Variants in STAT3 observed in about 807,000 individuals in gnomAD.
STAT3 encodes the protein DNA-binding protein APRF.
In STAT3, 7 loss-of-function variants were observed where a neutral mutation model predicts 114.3. The observed-to-expected ratio is 0.06, with a 90% CI of 0.03 to 0.11. The LOEUF is 0.11. Ranked by LOEUF, STAT3 falls within the 10% of genes least tolerant of loss-of-function variation. STAT3 has a pLI of 1.00. For missense variants in STAT3, 364 were observed against 960.9 expected (o/e 0.38, Z 8.21); for synonymous variants, 331 against 354.5 (o/e 0.93, Z 0.74).
Position 42,346,753 on chromosome 17 carries a change from G to T in STAT3, c.129-40C>A, listed in dbSNP as rs138364407. 8 of 1,613,568 alleles carry T rather than the reference G, an allele frequency of 5.0e-6. No homozygotes were observed. The South Asian group carries it at 7.7e-5, about 16-fold the overall frequency. On this transcript the variant is annotated intron_variant, in intron 2 of 23. Transcript: ENST00000264657. ...AATGATAAAGAATGGCTCTGAAGCC[G>T]ACGCATACACACAAACACAGAAATC...
At chr17:42,330,881 A>C (rs2081984041) in intron 11 of STAT3, among the ~76,000 whole-genome samples, 1 of 152,222 alleles carries the variant, frequency 6.6e-6, no homozygotes. Context: ...TGGAAAGAAT[A>C]TATAACGACG....
At chr17:42,371,296 T>C (rs747898116) in intron 1 of STAT3, among the ~76,000 whole-genome samples, 28 of 152,148 alleles carry the variant, frequency 1.8e-4, no homozygotes, top group Admixed American at 3.9e-4. Flanking sequence ...TGCAGCAGGA[T>C]GCAGGAGCTG....
chr17:42,329,529 G>A (rs1334812653), intron 13 of STAT3, 25 bp downstream of exon 13: 2 of 1,614,042 alleles, frequency 1.2e-6, no homozygotes, highest in African/African-American at 2.7e-5. Flanking sequence ...GAGGCCCTTT[G>A]TGAAGGGGAG....
In STAT3 at chr17:42,375,722, G is replaced by C. The variant is rs1016526812; in HGVS notation, c.-24+12557C>G. ...CACATGCCTGTAATCCCAGCTACTC[G>C]GGAGGCTTAGGCAAGAGAATCACTT... On this transcript the variant is annotated intron_variant, in intron 1 of 23. Transcript: ENST00000264657. Among the ~76,000 whole-genome samples, 5 of 151,998 alleles carry C rather than the reference G, an allele frequency of 3.3e-5. No individual in the cohort carries two copies. In the East Asian group the frequency reaches 9.7e-4, roughly 29 times the overall value.
intron 14 of STAT3, among the ~76,000 whole-genome samples, chr17:42,327,466 G>A (rs539794638): frequency 6.6e-6 from 1 of 152,218 alleles, no homozygotes; most frequent in East Asian, 1.9e-4. Flanking sequence ...CACAGCTGCG[G>A]AGTATTCCAT....
intron 1 of STAT3, among the ~76,000 whole-genome samples, chr17:42,352,402 G>C: frequency 6.6e-6 from 1 of 152,102 alleles, no homozygotes; most frequent in Non-Finnish European, 1.5e-5. Flanking sequence ...GACAAATGCT[G>C]CCTGGGCAGT....
intron 4 of STAT3, among the ~76,000 whole-genome samples, chr17:42,341,777 TCCCTGCCACAAATAG>T (rs1304915500): frequency 7.6e-4 from 115 of 151,792 alleles, no homozygotes; most frequent in African/African-American, 2.5e-3. Flanking sequence ...GGTCATACAG[TCCCTGCCACAAATAG>T]CCCTGCCACT....
intron 1 of STAT3, among the ~76,000 whole-genome samples, chr17:42,359,478 T>C (rs555162093): frequency 5.5e-4 from 84 of 152,182 alleles, no homozygotes; most frequent in Non-Finnish European, 9.0e-4. Flanking sequence ...ATCAAATATC[T>C]CCATACGTAT....
chr17:42,361,712 T>C (rs1304035193), intron 1 of STAT3, among the ~76,000 whole-genome samples: 1 of 152,004 alleles, frequency 6.6e-6, no homozygotes, highest in African/African-American at 2.4e-5. Context: ...AGCAGTACAC[T>C]GTAGAGACTG....
intron 8 of STAT3, among the ~76,000 whole-genome samples, chr17:42,336,776 T>C (rs1353110219): frequency 1.3e-5 from 2 of 152,086 alleles, no homozygotes; most frequent in African/African-American, 2.4e-5. Flanking sequence ...ATTAATTTTC[T>C]GTATTTGAAT....
intron 4 of STAT3, among the ~76,000 whole-genome samples, chr17:42,342,727 C>A (rs1056414155): frequency 1.3e-5 from 2 of 152,046 alleles, no homozygotes; most frequent in Non-Finnish European, 2.9e-5. Context: ...GGCAGGGCTG[C>A]GGGTTCAAAC....
At position 42,347,611 on chromosome 17, in the gene STAT3, C is replaced by A. The variant is rs528203290; in HGVS notation, c.128+778G>T. Among the ~76,000 whole-genome samples the A allele has an allele frequency of 4.6e-5, 7 of 152,338 alleles. No homozygotes were observed. The South Asian group carries it at 1.5e-3, about 32-fold the overall frequency. ...TCTACATCCCTGCCCAAATCTCATA[C>A]TGAAATGTAACCCCCACTGTTTGAG... On this transcript the variant is annotated intron_variant, in intron 2 of 23. Coordinates refer to ENST00000264657, the MANE Select transcript of STAT3 (RefSeq NM_139276.3).
intron 1 of STAT3, among the ~76,000 whole-genome samples, chr17:42,371,185 G>A (rs1483069631): frequency 1.3e-5 from 2 of 152,134 alleles, no homozygotes; most frequent in Non-Finnish European, 2.9e-5. Flanking sequence ...AAGTCAGACA[G>A]GGAGAGAGGC....
At chr17:42,347,133 G>A (rs1206040990) in intron 2 of STAT3, among the ~76,000 whole-genome samples, 1 of 142,906 alleles carries the variant, frequency 7.0e-6, no homozygotes, top group Non-Finnish European at 1.5e-5. Flanking sequence ...GGTGCAGTGA[G>A]CCGAGACTGT....
At chr17:42,346,802 C>CA (rs1391998598) in intron 2 of STAT3, 89 bp from the exon 3 acceptor site, 9 of 1,585,184 alleles carry the variant, frequency 5.7e-6, no homozygotes, top group South Asian at 3.4e-5. Context: ...AGGAAAAAAA[C>CA]AAAAAAACAA....
At chr17:42,386,892 C>T (rs2085134076) in intron 1 of STAT3, 1 of 152,134 alleles carries the variant, frequency 6.6e-6, no homozygotes, top group Admixed American at 6.5e-5. Flanking sequence ...AAAAACTGGG[C>T]TAGCACTCCT....
At chr17:42,328,246 T>C (rs1490517892) in intron 14 of STAT3, among the ~76,000 whole-genome samples, 3 of 152,116 alleles carry the variant, frequency 2.0e-5, no homozygotes, top group African/African-American at 7.2e-5. Context: ...CATAAGAGTA[T>C]AGTGTATTTT....
At chr17:42,345,267 G>GAAA (rs1156741636) in intron 4 of STAT3, 6 of 273,680 alleles carry the variant, frequency 2.2e-5, no homozygotes, top group Admixed American at 6.1e-5. Context: ...CTCTGTCTCA[G>GAAA]AAAAAAAAAA....
rs1372796820 is a variant in STAT3, at chr17:42,315,750, T to C, written c.2308A>G (p.Met770Val). The stretch of plus-strand genomic sequence containing the variant: ...CAGCTTCCGTTCTCAGCTCCTCACA[T>C]GGGGGAGGTAGCGCACTCCGAGGTC... ...ELTSECATSP[M>V] Residue 770 changes from methionine to valine, a missense_variant, in exon 24 of 24, where the codon ATG becomes GTG. Met to Val is a conservative substitution (Grantham distance 21). Coordinates refer to ENST00000264657, the MANE Select transcript of STAT3 (RefSeq NM_139276.3). The C allele has an allele frequency of 1.9e-6, 3 of 1,613,812 alleles. No homozygotes were observed. The highest frequency in any genetic ancestry group is 2.7e-5 in the African/African-American group (2 of 74,842).
Sources: allele counts gnomAD v4.1 joint callset (sites outside exome capture counted in the v4.1 genomes callset), GRCh38; gene constraint gnomAD v4.1.1; transcripts MANE v1.5; gene names NCBI Gene and HGNC (gene_info 2026-07-23, HGNC 2026-07-21).